The following OSBP2 variants were observed in gnomAD, a reference collection of about 807,000 sequenced individuals.
The protein encoded by OSBP2 is oxysterol binding protein 2.
A neutral mutation model predicts 96.0 loss-of-function variants in OSBP2; 66 were observed. That is an observed-to-expected ratio of 0.69 (90% CI 0.56 to 0.84). The LOEUF (loss-of-function observed/expected upper bound fraction) is 0.84, where lower values mean the gene tolerates loss of function less well. OSBP2 is among the 40% of genes least tolerant of loss of function. OSBP2 has a pLI of 0.00. For synonymous variants in OSBP2, 525 were observed against 520.9 expected (o/e 1.01, Z -0.11); for missense variants, 1,038 against 1,222.7 (o/e 0.85, Z 2.25).
intron 2 of OSBP2, among the ~76,000 whole-genome samples, chr22:30,799,104 CCTTCCTTCCTTT>C (rs1157381289): frequency 6.9e-6 from 1 of 145,694 alleles, no homozygotes; most frequent in African/African-American, 2.6e-5. Context: ...TTCCTTCCTT[CCTTCCTTCCTTT>C]CTTTCTCTTT....
At chr22:30,897,042 T>G (rs1403967201) in intron 12 of OSBP2, among the ~76,000 whole-genome samples, 1 of 152,110 alleles carries the variant, frequency 6.6e-6, no homozygotes, top group East Asian at 1.9e-4. Context: ...ACACATATCA[T>G]GAAAATACTA....
Position 30,780,380 on chromosome 22 carries a change from C to T in OSBP2, c.853+39011C>T, listed in dbSNP as rs944392084. 5.3e-5 allele frequency among the ~76,000 whole-genome samples: 8 copies of T among 152,314 alleles called. No individual in the cohort carries two copies. The East Asian group carries it at 5.8e-4, about 11-fold the overall frequency. ...CGTGAGTTTTCCTCAGCCCCTGCTA[C>T]GTATAAAGAACCCGACACGCATGAC... On this transcript the variant is annotated intron_variant, in intron 2 of 13. Coordinates refer to ENST00000332585, the MANE Select transcript of OSBP2 (RefSeq NM_030758.4).
At chr22:30,894,249 C>T (rs1034793047) in intron 12 of OSBP2, 2 of 434,742 alleles carry the variant, frequency 4.6e-6, no homozygotes, top group Non-Finnish European at 8.1e-6. Flanking sequence ...TTCCTCCCTA[C>T]AAGAAATAAA....
intron 1 of OSBP2, among the ~76,000 whole-genome samples, chr22:30,703,195 A>G (rs2089191185): frequency 6.6e-6 from 1 of 151,316 alleles, no homozygotes; most frequent in Non-Finnish European, 1.5e-5. Context: ...ATTTTTTGAG[A>G]TGGAGTCTCG....
chr22:30,716,827 T>G (rs1045681364), intron 1 of OSBP2, among the ~76,000 whole-genome samples: 2 of 152,238 alleles, frequency 1.3e-5, no homozygotes, highest in African/African-American at 4.8e-5. Context: ...CACTGTCAGA[T>G]ATATGATTAG....
chr22:30,904,271 T>C (rs1251817205), intron 12 of OSBP2, among the ~76,000 whole-genome samples: 1 of 152,204 alleles, frequency 6.6e-6, no homozygotes, highest in East Asian at 1.9e-4. Context: ...CCCTCCGCAA[T>C]CCACAGAACT....
intron 1 of OSBP2, among the ~76,000 whole-genome samples, chr22:30,710,292 CTGTTT>C (rs775486710): frequency 1.5e-4 from 23 of 152,284 alleles, no homozygotes; most frequent in African/African-American, 3.1e-4. Flanking sequence ...TGACTCTTTC[CTGTTT>C]TGTTTTGTTT....
chr22:30,905,683 T>G (rs2040315113), intron 12 of OSBP2, among the ~76,000 whole-genome samples, 154 bp from the exon 13 acceptor site: 2 of 151,962 alleles, frequency 1.3e-5, no homozygotes, highest in South Asian at 4.2e-4. Flanking sequence ...GTGGGCTCAC[T>G]GGGGTGGGCC....
At chr22:30,839,508 CTGT>C (rs2038703383) in intron 2 of OSBP2, among the ~76,000 whole-genome samples, 3 of 150,048 alleles carry the variant, frequency 2.0e-5, no homozygotes, top group Non-Finnish European at 3.0e-5. Context: ...TGTCCAGCAC[CTGT>C]TGTTTCCTGA....
intron 2 of OSBP2, among the ~76,000 whole-genome samples, chr22:30,767,138 CA>C (rs1156950666): frequency 0.054 from 4,207 of 78,392 alleles, 199 homozygotes; most frequent in African/African-American, 0.17. Flanking sequence ...ACTAAAAATA[CA>C]AAAAAAAAAA....
chr22:30,906,092 C>G, intron 13 of OSBP2, 23 bp downstream of exon 13: 1 of 1,586,842 alleles, frequency 6.3e-7, no homozygotes, highest in Non-Finnish European at 8.6e-7. Flanking sequence ...GGGAAGGGCG[C>G]CCCGGAGGGG....
At chr22:30,822,672 C>T (rs1053760695) in intron 2 of OSBP2, 2 of 1,534,016 alleles carry the variant, frequency 1.3e-6, no homozygotes. Context: ...CCGTGCGCTC[C>T]TTCTGCAGCT....
chr22:30,806,952 T>C (rs1181799089), intron 2 of OSBP2, among the ~76,000 whole-genome samples: 7 of 152,228 alleles, frequency 4.6e-5, no homozygotes, highest in Non-Finnish European at 8.8e-5. Context: ...GAGCACCTAC[T>C]GCCAACAGCC....
intron 7 of OSBP2, 46 bp downstream of exon 7, chr22:30,889,682 C>T (rs773020927): frequency 3.1e-6 from 5 of 1,595,394 alleles, no homozygotes; most frequent in Non-Finnish European, 2.6e-6. Flanking sequence ...TCTGGGGCTG[C>T]TTTCCTGTGC....
intron 13 of OSBP2, 56 bp downstream of exon 13, chr22:30,906,125 G>C (rs1407433639): frequency 6.2e-7 from 1 of 1,608,410 alleles, no homozygotes; most frequent in Non-Finnish European, 8.5e-7. Flanking sequence ...CCCGGGTGGG[G>C]GTGCCGCAGG....
At chr22:30,882,771 A>T (rs1452715294) in intron 3 of OSBP2, among the ~76,000 whole-genome samples, 9 of 152,234 alleles carry the variant, frequency 5.9e-5, no homozygotes, top group Non-Finnish European at 1.2e-4. Flanking sequence ...ATCTGTGGAA[A>T]AAACAAATAC....
chr22:30,729,045 A>G (rs1295899412), intron 1 of OSBP2, among the ~76,000 whole-genome samples: 2 of 152,198 alleles, frequency 1.3e-5, no homozygotes, highest in South Asian at 2.1e-4. Context: ...CATGAGACAC[A>G]TATGCATTCA....
intron 2 of OSBP2, among the ~76,000 whole-genome samples, chr22:30,792,634 T>C (rs1335517501): frequency 4.6e-5 from 7 of 152,182 alleles, no homozygotes; most frequent in African/African-American, 1.7e-4. Flanking sequence ...TCAAGCAAAA[T>C]GAACTGTACT....
intron 2 of OSBP2, among the ~76,000 whole-genome samples, chr22:30,864,364 T>G (rs764264325): frequency 3.9e-5 from 6 of 152,148 alleles, no homozygotes; most frequent in African/African-American, 7.2e-5. Flanking sequence ...CCAGGCACTG[T>G]ACCATTGAAG....
Sources: allele counts gnomAD v4.1 joint callset (sites outside exome capture counted in the v4.1 genomes callset), GRCh38; gene constraint gnomAD v4.1.1; transcripts MANE v1.5; gene names NCBI Gene and HGNC (gene_info 2026-07-23, HGNC 2026-07-21).